The following PCCA variants were observed in gnomAD, a reference collection of about 807,000 sequenced individuals.
PCCA encodes propionyl-CoA carboxylase alpha chain, mitochondrial.
Under a neutral mutation model 101.3 loss-of-function variants are expected in PCCA, and 74 were observed. That is an observed-to-expected ratio of 0.73 (90% confidence interval 0.61 to 0.89). The LOEUF is 0.89. Ranked by LOEUF, PCCA falls within the 40% of genes least tolerant of loss-of-function variation. PCCA has a pLI of 0.00. For missense variants in PCCA, 891 were observed against 907.0 expected (o/e 0.98, Z 0.23); for synonymous variants, 294 against 313.6 (o/e 0.94, Z 0.66).
intron 14 of PCCA, among the ~76,000 whole-genome samples, chr13:100,305,119 G>A (rs2152689647): frequency 6.6e-6 from 1 of 152,270 alleles, no homozygotes; most frequent in South Asian, 2.1e-4. Flanking sequence ...CTTGGAAAAA[G>A]CAGCATAAAT....
chr13:100,476,368 T>A (rs1350505105), intron 21 of PCCA, among the ~76,000 whole-genome samples: 2 of 152,352 alleles, frequency 1.3e-5, no homozygotes, highest in Middle Eastern at 3.4e-3. Flanking sequence ...TTTAATTCCT[T>A]AGTCATTTAG....
chr13:100,157,575 G>A (rs2054006507), intron 6 of PCCA, among the ~76,000 whole-genome samples: 1 of 152,102 alleles, frequency 6.6e-6, no homozygotes, highest in Admixed American at 6.6e-5. Flanking sequence ...ATGATACCTG[G>A]TTTATTATAT....
chr13:100,274,719 A>G (rs1349543384), intron 12 of PCCA, among the ~76,000 whole-genome samples: 2 of 152,096 alleles, frequency 1.3e-5, no homozygotes, highest in African/African-American at 2.4e-5. Flanking sequence ...CTGTAGGGAC[A>G]CTAGTCACAT....
chr13:100,247,619 T>C (rs1391351176), intron 8 of PCCA, among the ~76,000 whole-genome samples: 1 of 150,992 alleles, frequency 6.6e-6, no homozygotes, highest in Non-Finnish European at 1.5e-5. Flanking sequence ...GTTCAAGCAA[T>C]TCTCCTGCCT....
At chr13:100,441,725 T>C (rs1032698237) in intron 20 of PCCA, among the ~76,000 whole-genome samples, 1 of 152,198 alleles carries the variant, frequency 6.6e-6, no homozygotes, top group Non-Finnish European at 1.5e-5. Flanking sequence ...CGTGGATATG[T>C]TTCATCAAAT....
chr13:100,137,266 C>A (rs1244396758), intron 4 of PCCA, among the ~76,000 whole-genome samples: 1 of 151,964 alleles, frequency 6.6e-6, no homozygotes, highest in African/African-American at 2.4e-5. Flanking sequence ...ATTTTCTGAT[C>A]CAGGTATGAC....
intron 4 of PCCA, among the ~76,000 whole-genome samples, chr13:100,136,926 A>G (rs921221505): frequency 6.6e-6 from 1 of 151,406 alleles, no homozygotes; most frequent in African/African-American, 2.4e-5. Context: ...TCTTCCTTCT[A>G]CTTTAGGTTT....
In PCCA at chr13:100,449,876, G is replaced by C. The variant is rs2081095361; in HGVS notation, c.1899+571G>C. 2.0e-5 allele frequency among the ~76,000 whole-genome samples: 3 copies of C among 151,984 alleles called. No individual in the cohort carries two copies. In the South Asian group the frequency reaches 6.2e-4, roughly 32 times the overall value. On this transcript the variant is annotated intron_variant, in intron 21 of 23. Transcript: ENST00000376285. ...AATCAAAGTCATAAATAGTTTTATG[G>C]CTTATTATACATGTTGCCCATTATT...
chr13:100,368,250 A>T (rs902117276), intron 18 of PCCA, among the ~76,000 whole-genome samples: 1 of 152,152 alleles, frequency 6.6e-6, no homozygotes, highest in African/African-American at 2.4e-5. Flanking sequence ...AAATATTGAA[A>T]AAAACTAATA....
At chr13:100,258,009 C>G (rs1173959703) in intron 9 of PCCA, among the ~76,000 whole-genome samples, 1 of 152,144 alleles carries the variant, frequency 6.6e-6, no homozygotes, top group Admixed American at 6.5e-5. Flanking sequence ...TAAATGTCAT[C>G]TAAAGATTTA....
At chr13:100,502,894 A>C (rs1594038398) in intron 21 of PCCA, among the ~76,000 whole-genome samples, 1 of 152,244 alleles carries the variant, frequency 6.6e-6, no homozygotes, top group East Asian at 1.9e-4. Flanking sequence ...GAGGCAGAGC[A>C]GACGGCAGAG....
intron 20 of PCCA, 43 bp downstream of exon 20, chr13:100,425,774 A>G: frequency 7.8e-7 from 1 of 1,276,498 alleles, no homozygotes; most frequent in Non-Finnish European, 1.1e-6. Context: ...CCTCAAGTCC[A>G]GAATCCTTGT....
In PCCA at chr13:100,435,553, G is replaced by A. The variant is rs147210539; in HGVS notation, c.1845+9822G>A. On this transcript the variant is annotated intron_variant, in intron 20 of 23. Coordinates refer to ENST00000376285, the MANE Select transcript of PCCA (RefSeq NM_000282.4). ...GTATTCATGTTCCTGGTTTTCATTG[G>A]TAAACTTCATAAGTTTAATATTACC... 2.8e-3 allele frequency among the ~76,000 whole-genome samples: 430 copies of A among 152,298 alleles called. 4 individuals carry two copies. The highest frequency in any genetic ancestry group is 9.7e-3 in the African/African-American group (401 of 41,548).
rs1257478273 is a variant in PCCA at position 100,341,973 on chromosome 13, A to ATATATATATATATATATATATATATG, written c.1643+1723_1643+1724insATATATATATATATATGTATATATAT. Among the ~76,000 whole-genome samples, 1,028 of 121,612 alleles carry ATATATATATATATATATATATATATG rather than the reference A, an allele frequency of 8.5e-3. 27 individuals carry two copies. Among genetic ancestry groups the ATATATATATATATATATATATATATG allele is most frequent in the Non-Finnish European group, 0.012 (733 of 58,818 alleles). The allele number at this position is 121,612 out of a possible 152,430, so 79.8% of individuals were successfully genotyped here. Reference sequence around the variant, plus strand: ...CCCTTCAAAGTATATATATATATATATATATATATGTATTTATGTGTGTGT... The same window carrying ATATATATATATATATATATATATATG: ...CCCTTCAAAGTATATATATATATATATATATATATATATATATATATATATGTATATATATGTATTTATGTGTGTGT... On this transcript the variant is annotated intron_variant, in intron 18 of 23. Transcript: ENST00000376285.
chr13:100,453,182 C>G (rs139193311), intron 21 of PCCA, among the ~76,000 whole-genome samples: 27 of 152,048 alleles, frequency 1.8e-4, no homozygotes, highest in African/African-American at 5.8e-4. Context: ...ACCCTGTACC[C>G]TGTCTCAAAG....
intron 12 of PCCA, among the ~76,000 whole-genome samples, chr13:100,285,030 C>T (rs1352083210): frequency 6.6e-6 from 1 of 152,196 alleles, no homozygotes; most frequent in Non-Finnish European, 1.5e-5. Flanking sequence ...GTCGAAGGCC[C>T]CAGCTTTGCC....
chr13:100,089,263 T>C, intron 1 of PCCA, 38 bp downstream of exon 1: 1 of 1,455,838 alleles, frequency 6.9e-7, no homozygotes. Context: ...CGGGCTTCAC[T>C]GGGCTTCTAG....
At chr13:100,093,054 G>A (rs1025911965) in intron 1 of PCCA, among the ~76,000 whole-genome samples, 9 of 152,200 alleles carry the variant, frequency 5.9e-5, no homozygotes, top group Admixed American at 2.6e-4. Context: ...TGAAGAGTGA[G>A]GGAAAAGGAT....
At position 100,515,515 on chromosome 13, in the gene PCCA, G is replaced by A. The variant is rs780042764; in HGVS notation, c.1988G>A (p.Arg663His). 3.4e-5 allele frequency: 55 copies of A among 1,614,002 alleles called. No individual in the cohort carries two copies. The Admixed American group carries it at 6.0e-4, about 18-fold the overall frequency. ...ACTGAGGACACAAGCAGTGTTCTGC[G>A]TTCCCCGATGCCCGGAGTGGTGGTG... ...KVTEDTSSVL[R>H]SPMPGVVVAV... Residue 663 changes from arginine to histidine, a missense_variant, in exon 22 of 24, where the codon CGT (arginine) becomes CAT (histidine). Coordinates refer to ENST00000376285, the MANE Select transcript of PCCA (RefSeq NM_000282.4).
Sources: gnomAD v4.1 joint callset for allele counts (sites outside exome capture counted in the v4.1 genomes callset) on GRCh38, gnomAD v4.1.1 for gene constraint, MANE v1.5 for transcripts, NCBI Gene and HGNC (gene_info 2026-07-23, HGNC 2026-07-21) for gene names.